SDAD1: variants seen among roughly 807,000 people sequenced by gnomAD.
The protein encoded by SDAD1 is protein SDA1 homolog.
SDAD1 carries 79 observed loss-of-function variants against 100.3 expected under a neutral mutation model. That is an observed-to-expected ratio of 0.79 (90% CI 0.66 to 0.95). The LOEUF (loss-of-function observed/expected upper bound fraction) is 0.95, where lower values mean the gene tolerates loss of function less well. SDAD1 is among the 40% of genes least tolerant of loss of function. SDAD1 has a pLI of 0.00. For synonymous variants in SDAD1, 267 were observed against 271.4 expected (o/e 0.98, Z 0.16); for missense variants, 790 against 810.9 (o/e 0.97, Z 0.31).
intron 3 of SDAD1, among the ~76,000 whole-genome samples, chr4:75,978,418 A>G (rs1331204431): frequency 2.0e-5 from 3 of 149,068 alleles, no homozygotes; most frequent in African/African-American, 7.5e-5. Flanking sequence ...GGCTGGTTTC[A>G]AGCTCCTGGA....
chr4:75,956,182 TAG>T, intron 20 of SDAD1, 46 bp from the exon 21 acceptor site: 1 of 1,556,880 alleles, frequency 6.4e-7, no homozygotes, highest in Non-Finnish European at 8.7e-7. Context: ...CAACATACTT[TAG>T]GAGTCATCTA....
intron 21 of SDAD1, among the ~76,000 whole-genome samples, chr4:75,952,766 C>G (rs570887999): frequency 6.6e-6 from 1 of 152,228 alleles, no homozygotes; most frequent in Non-Finnish European, 1.5e-5. Context: ...TGTGGCTAGT[C>G]CAAATTGAGA....
intron 4 of SDAD1, among the ~76,000 whole-genome samples, chr4:75,976,206 T>C (rs1011867587): frequency 6.6e-6 from 1 of 152,210 alleles, no homozygotes; most frequent in Non-Finnish European, 1.5e-5. Flanking sequence ...GAGTTTAATG[T>C]AATACGGCAC....
rs1248807146 is a variant in SDAD1 at position 75,969,402 on chromosome 4, G to A, written c.884-3C>T. 3 of 1,605,772 alleles carry A rather than the reference G, an allele frequency of 1.9e-6. No individual in the cohort carries two copies. The highest frequency in any genetic ancestry group is 1.7e-4 in the Middle Eastern group (1 of 6,048). On this transcript the variant is annotated splice_polypyrimidine_tract_variant and splice_region_variant and intron_variant, in intron 10 of 21. Coordinates refer to ENST00000356260, the MANE Select transcript of SDAD1 (RefSeq NM_018115.4). ...CTTTAGTAGTTTTTCCGCAAAATCT[G>A]GCAAGGAGAGGATGAAAGAAGTACA...
At chr4:75,964,847 T>C (rs1361431377) in intron 13 of SDAD1, among the ~76,000 whole-genome samples, 1 of 152,234 alleles carries the variant, frequency 6.6e-6, no homozygotes. Context: ...CCCCAATCAA[T>C]ACTCTTGTGA....
intron 14 of SDAD1, among the ~76,000 whole-genome samples, chr4:75,962,076 G>C (rs1224771822): frequency 1.3e-5 from 2 of 152,146 alleles, no homozygotes; most frequent in Non-Finnish European, 2.9e-5. Context: ...AGGCCCCGGT[G>C]TGTGATGTTC....
chr4:75,990,893 C>T lies in SDAD1; in HGVS notation c.-52G>A. 1 of 1,609,410 alleles carries T rather than the reference C, an allele frequency of 6.2e-7. No individual in the cohort carries two copies. Among genetic ancestry groups the T allele is most frequent in the East Asian group, 2.2e-5 (1 of 44,858 alleles). ...AGCAGTTTTAAAAAAACTCAGACGG[C>T]CGGCACCCCGCAATCCCTGCCAGCT... On this transcript the variant is annotated 5_prime_UTR_variant, in exon 1 of 22. Transcript: ENST00000356260.
chr4:75,990,702 C>G (rs1475347388), intron 1 of SDAD1, 50 bp downstream of exon 1: 1 of 1,611,548 alleles, frequency 6.2e-7, no homozygotes, highest in East Asian at 2.2e-5. Context: ...GCACCGGCGT[C>G]TCAACCATCC....
In SDAD1 at chr4:75,956,408, T is replaced by G. The variant is rs76704297; in HGVS notation, c.1855-272A>C. 0.017 allele frequency among the ~76,000 whole-genome samples: 184 copies of G among 11,110 alleles called. No individual in the cohort carries two copies. In the East Asian group the frequency reaches 0.31, roughly 19 times the overall value. 7.3% of individuals were successfully genotyped at this position (11,110 alleles called of 152,430 possible). ...AGACAGGTAGACTGTTTTTTTTTTG[T>G]TTTTTTTTTTTTTGCAGGATGAAGG... On this transcript the variant is annotated intron_variant, in intron 20 of 21. Coordinates refer to ENST00000356260, the MANE Select transcript of SDAD1 (RefSeq NM_018115.4).
intron 1 of SDAD1, among the ~76,000 whole-genome samples, chr4:75,984,165 TAAAAA>T (rs149376871): frequency 7.2e-6 from 1 of 139,018 alleles, no homozygotes; most frequent in South Asian, 2.4e-4. Context: ...TTTGGTACCT[TAAAAA>T]AAAAAAAAAA....
intron 21 of SDAD1, among the ~76,000 whole-genome samples, chr4:75,954,106 C>T (rs1326617716): frequency 2.6e-5 from 4 of 151,960 alleles, no homozygotes; most frequent in African/African-American, 9.7e-5. Context: ...GGGCCAGGCG[C>T]GGTAGTAGCT....
At chr4:75,965,045 T>C (rs1393941150) in intron 13 of SDAD1, among the ~76,000 whole-genome samples, 1 of 152,152 alleles carries the variant, frequency 6.6e-6, no homozygotes, top group Non-Finnish European at 1.5e-5. Context: ...TCTGGCTGCC[T>C]GAGAGCCAGG....
At chr4:75,951,551 T>C (rs751106358) in intron 21 of SDAD1, among the ~76,000 whole-genome samples, 14 of 152,198 alleles carry the variant, frequency 9.2e-5, no homozygotes, top group Non-Finnish European at 1.8e-4. Context: ...CAGTGAATTG[T>C]ATATCATAAT....
chr4:75,960,929 T>C, intron 16 of SDAD1, 99 bp downstream of exon 16: 1 of 936,290 alleles, frequency 1.1e-6, no homozygotes. Flanking sequence ...CATGTAATCA[T>C]AACAGAAGCA....
intron 1 of SDAD1, among the ~76,000 whole-genome samples, chr4:75,982,586 C>A (rs1487875317): frequency 6.6e-6 from 1 of 152,006 alleles, no homozygotes; most frequent in Non-Finnish European, 1.5e-5. Flanking sequence ...GAGGTTGAGA[C>A]TGCAGTGAGC....
chr4:75,951,435 T>C (rs1366047826), intron 21 of SDAD1, among the ~76,000 whole-genome samples: 1 of 152,220 alleles, frequency 6.6e-6, no homozygotes, highest in East Asian at 1.9e-4. Flanking sequence ...CCCTGACAAT[T>C]GTAGCTTATG....
At chr4:75,979,742 A>G (rs1039524123) in intron 3 of SDAD1, among the ~76,000 whole-genome samples, 1 of 152,114 alleles carries the variant, frequency 6.6e-6, no homozygotes, top group African/African-American at 2.4e-5. Flanking sequence ...GGCGTGAGCC[A>G]CCGCGCCTGG....
chr4:75,973,984 T>C, intron 7 of SDAD1, 92 bp downstream of exon 7: 1 of 1,039,718 alleles, frequency 9.6e-7, no homozygotes. Flanking sequence ...TGTGCAGGCA[T>C]GCAGTTTATG....
intron 17 of SDAD1, 113 bp from the exon 18 acceptor site, chr4:75,958,054 C>T: frequency 1.2e-6 from 1 of 834,218 alleles, no homozygotes; most frequent in Non-Finnish European, 2.1e-6. Context: ...ACATTATTAA[C>T]CAAGAACTGA....
Sources: gnomAD v4.1 joint callset for allele counts (sites outside exome capture counted in the v4.1 genomes callset) on GRCh38, gnomAD v4.1.1 for gene constraint, MANE v1.5 for transcripts, NCBI Gene and HGNC (gene_info 2026-07-23, HGNC 2026-07-21) for gene names.